The following EDA2R variants were observed in gnomAD, a reference collection of about 807,000 sequenced individuals.
EDA2R encodes the protein tumor necrosis factor receptor superfamily member 27.
A neutral mutation model predicts 20.1 loss-of-function variants in EDA2R; 26 were observed. The ratio of observed to expected loss-of-function variants is 1.30; its 90% CI spans 0.95 to 1.80. The LOEUF (loss-of-function observed/expected upper bound fraction) is 1.80, where lower values mean the gene tolerates loss of function less well. Among genes scored for constraint, EDA2R ranks in the 40% most tolerant of loss-of-function variants. The pLI is 0.00. For missense variants in EDA2R, 277 were observed against 228.7 expected (o/e 1.21, Z -1.36); for synonymous variants, 114 against 88.7 (o/e 1.29, Z -1.60).
intron 1 of EDA2R, among the ~76,000 whole-genome samples, chrX:66,628,948 A>G (rs1398606144): frequency 9.0e-6 from 1 of 111,492 alleles, no homozygotes. Context: ...CTAACACAAT[A>G]CTAGCTAACT....
At position 66,602,806 on chromosome X, in the gene EDA2R, C is replaced by T. The variant is rs377309250; in HGVS notation, c.353-9G>A. The T allele has an allele frequency of 1.4e-5, 16 of 1,164,169 alleles. No homozygotes were observed. The highest frequency in any genetic ancestry group is 7.3e-5 in the African/African-American group (4 of 55,158). Reference sequence around the variant, plus strand: ...GCTCAACTGGAAGGCACCTGTGAGACAAAAAAATGGGGGAGGTCAGTTAGC... The same window carrying T: ...GCTCAACTGGAAGGCACCTGTGAGATAAAAAAATGGGGGAGGTCAGTTAGC... On this transcript the variant is annotated splice_polypyrimidine_tract_variant and intron_variant, in intron 4 of 6. Transcript: ENST00000374719.
At chrX:66,600,535 C>A (rs1264914246) in intron 5 of EDA2R, among the ~76,000 whole-genome samples, 14 of 111,711 alleles carry the variant, frequency 1.3e-4, no homozygotes, top group Admixed American at 1.0e-3. Flanking sequence ...GATTCTCTCC[C>A]AGAGACTCCA....
chrX:66,624,039 G>C (rs1027524332), intron 1 of EDA2R, among the ~76,000 whole-genome samples: 1 of 112,538 alleles, frequency 8.9e-6, no homozygotes, highest in Non-Finnish European at 1.9e-5. Flanking sequence ...GCTTACAATA[G>C]TGCCTGGCAC....
At chrX:66,605,799 G>A (rs910035921) in intron 2 of EDA2R, among the ~76,000 whole-genome samples, 1 of 112,109 alleles carries the variant, frequency 8.9e-6, no homozygotes, top group Non-Finnish European at 1.9e-5. Context: ...CAGAATGTGG[G>A]GAGCTGAAAT....
At chrX:66,611,024 C>G (rs1930649035) in intron 2 of EDA2R, among the ~76,000 whole-genome samples, 2 of 111,453 alleles carry the variant, frequency 1.8e-5, no homozygotes, top group African/African-American at 6.5e-5. Flanking sequence ...TGTTCTTTGA[C>G]TCTACAACTC....
intron 1 of EDA2R, among the ~76,000 whole-genome samples, chrX:66,630,820 T>TACACACAC (rs780295995): frequency 1.0e-4 from 4 of 39,530 alleles, no homozygotes; most frequent in African/African-American, 2.4e-4. Flanking sequence ...CATATATATA[T>TACACACAC]ATACACACAC....
At position 66,604,444 on chromosome X, in the gene EDA2R, T is replaced by A. The variant is rs769441083; in HGVS notation, c.329A>T (p.Gln110Leu). ...ACATTGAACCTCAGAGGTGGGGGTC[T>A]GCTTCGTGCACGGGATGCACTCTTG... ...QDQECIPCTK[Q>L]TPTSEVQCAF... The change falls in exon 4 of 7, where the codon CAG becomes CTG. Residue 110 changes from glutamine to leucine, a missense_variant. Physicochemically the swap from Gln to Leu is moderately radical, Grantham distance 113 (BLOSUM62 -2). Transcript: ENST00000374719. 1 of 1,207,634 alleles carries A rather than the reference T, an allele frequency of 8.3e-7. No homozygotes were observed. The highest frequency in any genetic ancestry group is 1.1e-6 in the Non-Finnish European group (1 of 893,972).
chrX:66,632,198 T>A (rs960980938), intron 1 of EDA2R, among the ~76,000 whole-genome samples: 8 of 111,616 alleles, frequency 7.2e-5, no homozygotes, highest in Non-Finnish European at 1.5e-4. Context: ...TCGAGGCAGG[T>A]GGATCACTTG....
chrX:66,600,512 G>T (rs1928384577), intron 5 of EDA2R, among the ~76,000 whole-genome samples: 1 of 111,675 alleles, frequency 9.0e-6, no homozygotes, highest in South Asian at 3.7e-4. Context: ...CCACTTTTGT[G>T]CATGATCAAG....
chrX:66,606,104 G>T (rs777942404), intron 2 of EDA2R, among the ~76,000 whole-genome samples: 11 of 111,817 alleles, frequency 9.8e-5, no homozygotes, highest in African/African-American at 3.6e-4. Context: ...GAGATTCTTA[G>T]ATCTGACAGC....
chrX:66,602,370 C>T (rs1000027902), intron 5 of EDA2R, among the ~76,000 whole-genome samples: 1 of 110,575 alleles, frequency 9.0e-6, no homozygotes, highest in Non-Finnish European at 1.9e-5. Context: ...GAGGGGTTTC[C>T]CACCGTGCCA....
At chrX:66,626,421 G>A (rs994138641) in intron 1 of EDA2R, among the ~76,000 whole-genome samples, 3 of 111,624 alleles carry the variant, frequency 2.7e-5, no homozygotes, top group African/African-American at 3.3e-5. Context: ...AGAAATTCAC[G>A]ACTCAAAGAC....
intron 5 of EDA2R, chrX:66,600,158 TC>T: frequency 3.4e-6 from 3 of 877,091 alleles, no homozygotes; most frequent in Non-Finnish European, 4.8e-6. Flanking sequence ...GCCATAATCT[TC>T]ATGGCCTGGT....
At chrX:66,604,554 C>T (rs771859884) in intron 3 of EDA2R, 48 bp from the exon 4 acceptor site, 2 of 1,092,423 alleles carry the variant, frequency 1.8e-6, no homozygotes, top group Admixed American at 2.3e-5. Context: ...ACAAGCAATG[C>T]ACTTGGACCA....
intron 4 of EDA2R, 28 bp from the exon 5 acceptor site, chrX:66,602,825 A>T (rs1473913695): frequency 8.7e-7 from 1 of 1,153,416 alleles, no homozygotes; most frequent in South Asian, 2.0e-5. Context: ...GGGGGAGGTC[A>T]GTTAGCATGG....
chrX:66,636,966 A>ACACC (rs1555962418), intron 1 of EDA2R, among the ~76,000 whole-genome samples: 18 of 108,293 alleles, frequency 1.7e-4, no homozygotes, highest in Admixed American at 1.6e-3. Flanking sequence ...ACACACACAC[A>ACACC]CCCCACATAC....
intron 4 of EDA2R, among the ~76,000 whole-genome samples, chrX:66,603,468 T>G (rs1199371517): frequency 9.0e-6 from 1 of 111,584 alleles, no homozygotes; most frequent in Non-Finnish European, 1.9e-5. Context: ...ATAACATGTG[T>G]CACTTCCAGA....
intron 6 of EDA2R, 93 bp downstream of exon 6, chrX:66,599,381 A>C (rs4827499): frequency 9.9e-7 from 1 of 1,006,985 alleles, no homozygotes; most frequent in Non-Finnish European, 1.3e-6. Context: ...ACTCCTAGTG[A>C]ATAATACTAT....
At chrX:66,629,748 G>A (rs1379416029) in intron 1 of EDA2R, among the ~76,000 whole-genome samples, 2 of 111,216 alleles carry the variant, frequency 1.8e-5, no homozygotes, top group African/African-American at 6.5e-5. Flanking sequence ...ACAATATTGT[G>A]AAAATGACCA....
Sources: allele counts gnomAD v4.1 joint callset (sites outside exome capture counted in the v4.1 genomes callset), GRCh38; gene constraint gnomAD v4.1.1; transcripts MANE v1.5; gene names NCBI Gene and HGNC (gene_info 2026-07-23, HGNC 2026-07-21).